The following ANKS1B variants were observed in gnomAD, a reference collection of about 807,000 sequenced individuals.
The protein encoded by ANKS1B is ankyrin repeat and sterile alpha motif domain containing 1B, also known as ankyrin repeat and sterile alpha motif domain-containing protein 1B.
In ANKS1B, 36 loss-of-function variants were observed where a neutral mutation model predicts 148.3. That is an observed-to-expected ratio of 0.24 (90% CI 0.19 to 0.32). ANKS1B has a LOEUF of 0.32. Among genes scored for constraint, ANKS1B ranks in the 10% least tolerant of loss-of-function variants. The pLI is 1.00. For synonymous variants in ANKS1B, 542 were observed against 560.8 expected (o/e 0.97, Z 0.47); for missense variants, 1,157 against 1,542.6 (o/e 0.75, Z 4.19).
At chr12:99,714,389 T>C (rs982319668) in intron 8 of ANKS1B, among the ~76,000 whole-genome samples, 3 of 152,234 alleles carry the variant, frequency 2.0e-5, no homozygotes, top group Non-Finnish European at 4.4e-5. Context: ...CTTTGCTTTA[T>C]TGCTCTTTGC....
chr12:99,426,797 T>G (rs972028425), intron 11 of ANKS1B, among the ~76,000 whole-genome samples: 1 of 152,070 alleles, frequency 6.6e-6, no homozygotes, highest in Admixed American at 6.6e-5. Flanking sequence ...ATCTAGAGGG[T>G]ATCTAAAACT....
At chr12:98,985,654 CCT>C (rs2153233867) in intron 17 of ANKS1B, among the ~76,000 whole-genome samples, 1 of 151,814 alleles carries the variant, frequency 6.6e-6, no homozygotes, top group African/African-American at 2.4e-5. Flanking sequence ...CTTCCATTTT[CCT>C]CTTTTATCCT....
At chr12:99,669,383 ATAGAG>A (rs1283018324) in intron 8 of ANKS1B, among the ~76,000 whole-genome samples, 1 of 152,100 alleles carries the variant, frequency 6.6e-6, no homozygotes, top group Non-Finnish European at 1.5e-5. Context: ...TCGTTGTGGC[ATAGAG>A]TAAAGTTATC....
chr12:99,071,759 C>T (rs756209728), intron 16 of ANKS1B, among the ~76,000 whole-genome samples: 4 of 151,828 alleles, frequency 2.6e-5, no homozygotes, highest in Admixed American at 6.6e-5. Context: ...GTGATTCTCC[C>T]GCCTCAGGCA....
At chr12:98,979,934 G>A (rs543030635) in intron 17 of ANKS1B, among the ~76,000 whole-genome samples, 1 of 151,876 alleles carries the variant, frequency 6.6e-6, no homozygotes, top group East Asian at 1.9e-4. Flanking sequence ...GGTCACTTAG[G>A]CTCTGCTAAT....
intron 8 of ANKS1B, among the ~76,000 whole-genome samples, chr12:99,668,894 G>A (rs994879371): frequency 5.3e-5 from 8 of 151,388 alleles, no homozygotes; most frequent in Non-Finnish European, 7.4e-5. Flanking sequence ...TTCACCAATC[G>A]TTCCTTCTGC....
chr12:99,524,413 G>A (rs1021627584), intron 9 of ANKS1B, among the ~76,000 whole-genome samples: 1 of 152,108 alleles, frequency 6.6e-6, no homozygotes, highest in South Asian at 2.1e-4. Flanking sequence ...CTTTGCAGAT[G>A]TAAGTCAAGG....
rs180841473 is a variant in ANKS1B, at chr12:99,270,791, C to T, written c.1757-23927G>A. On this transcript the variant is annotated intron_variant, in intron 12 of 26. Transcript: ENST00000683438. ...TCTTCACTTTCCAAATGAATATTGT[C>T]GAACCATACAGAGTGGTGTGCAGTA... is the stretch of plus-strand genomic sequence containing the variant. Among the ~76,000 whole-genome samples the T allele has an allele frequency of 1.3e-4, 20 of 152,150 alleles. 1 individual carries two copies. In the South Asian group the frequency reaches 3.1e-3, roughly 24 times the overall value.
rs1555228592 is a variant in ANKS1B, at chr12:99,888,969, A to AACATACAC, written c.135-63581_135-63580insGTGTATGT. Among the ~76,000 whole-genome samples the AACATACAC allele has an allele frequency of 2.7e-5, 4 of 147,300 alleles. No homozygotes were observed. In the South Asian group the frequency reaches 8.7e-4, roughly 32 times the overall value. On this transcript the variant is annotated intron_variant, in intron 1 of 26. Transcript: ENST00000683438. ...TGGAAAAATGGCTCACCTTCGCCAA[A>AACATACAC]ACACACACACACACACACACACACA... is the stretch of plus-strand genomic sequence containing the variant.
chr12:99,509,729 A>G (rs936604449), intron 9 of ANKS1B, among the ~76,000 whole-genome samples: 1 of 152,018 alleles, frequency 6.6e-6, no homozygotes, highest in African/African-American at 2.4e-5. Context: ...CCGCTAAGAC[A>G]ATTGATGAAG....
intron 10 of ANKS1B, among the ~76,000 whole-genome samples, chr12:99,454,129 T>C (rs1243024269): frequency 7.9e-5 from 12 of 152,160 alleles, no homozygotes; most frequent in African/African-American, 2.2e-4. Flanking sequence ...GCACAGGATA[T>C]GTGTGGAAAA....
chr12:99,380,107 A>AT (rs1404634660), intron 12 of ANKS1B, among the ~76,000 whole-genome samples: 1 of 152,172 alleles, frequency 6.6e-6, no homozygotes, highest in East Asian at 1.9e-4. Flanking sequence ...AACCAAGGGC[A>AT]TTTTCAATAA....
chr12:99,778,370 T>G (rs569762254), intron 6 of ANKS1B, among the ~76,000 whole-genome samples: 8 of 152,056 alleles, frequency 5.3e-5, no homozygotes, highest in African/African-American at 1.9e-4. Context: ...TAGCCAGACA[T>G]GGCGGCAAGT....
chr12:98,939,716 T>C (rs1162544292), intron 17 of ANKS1B, among the ~76,000 whole-genome samples: 1 of 152,196 alleles, frequency 6.6e-6, no homozygotes, highest in African/African-American at 2.4e-5. Flanking sequence ...GGTGTTCAAA[T>C]TGTCACAAGT....
At chr12:99,747,473 C>T (rs2060700805) in intron 8 of ANKS1B, among the ~76,000 whole-genome samples, 1 of 152,138 alleles carries the variant, frequency 6.6e-6, no homozygotes, top group South Asian at 2.1e-4. Flanking sequence ...CTGATTTCTA[C>T]ACAAACTGTC....
In ANKS1B at chr12:99,430,671, C is replaced by T. The variant is rs151231988; in HGVS notation, c.1575+13002G>A. On this transcript the variant is annotated intron_variant, in intron 11 of 26. Transcript: ENST00000683438. Reference sequence around the variant, plus strand: ...CTGTAAAACGACATTGGGGAAGGAACTAAGCATGCTTATTATTGCCTCTTC... The same window carrying T: ...CTGTAAAACGACATTGGGGAAGGAATTAAGCATGCTTATTATTGCCTCTTC... Among the ~76,000 whole-genome samples, 271 of 152,294 alleles carry T rather than the reference C, an allele frequency of 1.8e-3. 1 individual carries two copies. The Middle Eastern group carries it at 0.027, about 15-fold the overall frequency.
At chr12:99,671,232 G>A (rs182711523) in intron 8 of ANKS1B, among the ~76,000 whole-genome samples, 3 of 152,186 alleles carry the variant, frequency 2.0e-5, no homozygotes, top group Non-Finnish European at 4.4e-5. Flanking sequence ...GTGTATATAC[G>A]TTTTGATTAG....
intron 17 of ANKS1B, among the ~76,000 whole-genome samples, chr12:99,031,964 G>A (rs965548319): frequency 3.9e-5 from 6 of 152,210 alleles, no homozygotes; most frequent in African/African-American, 1.4e-4. Context: ...AAAATGAAAT[G>A]TAGCTAATCT....
At chr12:99,032,388 G>C (rs1007498846) in intron 17 of ANKS1B, among the ~76,000 whole-genome samples, 1 of 152,272 alleles carries the variant, frequency 6.6e-6, no homozygotes, top group Non-Finnish European at 1.5e-5. Context: ...CCCTCTGAAG[G>C]CTCAAGGGGA....
Sources: gnomAD v4.1 joint callset for allele counts (sites outside exome capture counted in the v4.1 genomes callset) on GRCh38, gnomAD v4.1.1 for gene constraint, MANE v1.5 for transcripts, NCBI Gene and HGNC (gene_info 2026-07-23, HGNC 2026-07-21) for gene names.